The following TMEM132D variants were observed in gnomAD, a reference collection of about 807,000 sequenced individuals.
The protein encoded by TMEM132D is transmembrane protein 132D.
A neutral mutation model predicts 62.3 loss-of-function variants in TMEM132D; 21 were observed. The observed-to-expected ratio is 0.34, with a 90% confidence interval of 0.24 to 0.49. The LOEUF (loss-of-function observed/expected upper bound fraction) is 0.49, where lower values mean the gene tolerates loss of function less well. TMEM132D is among the 20% of genes least tolerant of loss of function. The probability of loss-of-function intolerance (pLI) is 0.99; values close to 1 mark genes in which losing one functional copy is unlikely to be tolerated. For synonymous variants in TMEM132D, 621 were observed against 575.6 expected, an observed-to-expected ratio of 1.08 and a Z score of -1.13; for missense variants, 1,346 against 1,402.8, an observed-to-expected ratio of 0.96 and a Z score of 0.65.
intron 5 of TMEM132D, among the ~76,000 whole-genome samples, chr12:129,088,537 G>A (rs1489071944): frequency 7.5e-5 from 3 of 40,022 alleles, no homozygotes; most frequent in Non-Finnish European, 1.3e-4. Flanking sequence ...CTCTATGACC[G>A]GGTGTCCTCC....
At chr12:129,497,886 C>G (rs112750558) in intron 3 of TMEM132D, among the ~76,000 whole-genome samples, 2,169 of 151,602 alleles carry the variant, frequency 0.014, 55 homozygotes, top group African/African-American at 0.049. Context: ...GTCTTGGACT[C>G]TTGGGCTCAA....
chr12:129,420,306 G>GGTTTTTTTTTTTTTTTTTTTTTTT (rs1457529737), intron 3 of TMEM132D, among the ~76,000 whole-genome samples: 2 of 112,300 alleles, frequency 1.8e-5, no homozygotes, highest in African/African-American at 4.0e-5. Context: ...CACGTTCTCT[G>GGTTTTTTTTTTTTTTTTTTTTTTT]TTTTTTTTTT....
At chr12:129,795,889 TTTTC>T (rs1415220971) in intron 1 of TMEM132D, among the ~76,000 whole-genome samples, 10 of 152,202 alleles carry the variant, frequency 6.6e-5, no homozygotes, top group African/African-American at 2.4e-4. Flanking sequence ...TGAATGAGAC[TTTTC>T]TTTATGATTT....
chr12:129,599,320 T>C (rs1454413329), intron 2 of TMEM132D, among the ~76,000 whole-genome samples: 1 of 152,210 alleles, frequency 6.6e-6, no homozygotes, highest in Non-Finnish European at 1.5e-5. Context: ...AGTGAATTAT[T>C]AGCAATCCTT....
intron 1 of TMEM132D, among the ~76,000 whole-genome samples, chr12:129,716,788 T>A (rs919122286): frequency 3.9e-5 from 6 of 152,156 alleles, no homozygotes; most frequent in African/African-American, 1.4e-4. Flanking sequence ...CCTACAAAGC[T>A]ATGAGATAAA....
At chr12:129,333,118 A>C (rs1869163322) in intron 4 of TMEM132D, among the ~76,000 whole-genome samples, 1 of 152,228 alleles carries the variant, frequency 6.6e-6, no homozygotes, top group African/African-American at 2.4e-5. Flanking sequence ...CTTAATAGGA[A>C]ATAAACATGT....
intron 3 of TMEM132D, among the ~76,000 whole-genome samples, chr12:129,452,635 T>TA (rs1424132443): frequency 6.6e-6 from 1 of 152,104 alleles, no homozygotes; most frequent in Non-Finnish European, 1.5e-5. Flanking sequence ...GTTCTTTTTC[T>TA]AAAACCTTTG....
At chr12:129,607,004 ATGAAGAAAC>A (rs1290505681) in intron 2 of TMEM132D, among the ~76,000 whole-genome samples, 1 of 151,744 alleles carries the variant, frequency 6.6e-6, no homozygotes, top group East Asian at 1.9e-4. Flanking sequence ...TATCTTGGAA[ATGAAGAAAC>A]TGTGTTCTCA....
At chr12:129,626,253 T>A (rs1879210331) in intron 2 of TMEM132D, among the ~76,000 whole-genome samples, 1 of 152,176 alleles carries the variant, frequency 6.6e-6, no homozygotes, top group African/African-American at 2.4e-5. Context: ...ACTTATTTAA[T>A]GCTAACTTGT....
At chr12:129,749,348 G>A (rs934516743) in intron 1 of TMEM132D, among the ~76,000 whole-genome samples, 1 of 152,186 alleles carries the variant, frequency 6.6e-6, no homozygotes, top group African/African-American at 2.4e-5. Context: ...GTGCACAGAG[G>A]CAACCTTCAG....
At chr12:129,149,110 A>G (rs1482879907) in intron 5 of TMEM132D, among the ~76,000 whole-genome samples, 1 of 152,064 alleles carries the variant, frequency 6.6e-6, no homozygotes, top group African/African-American at 2.4e-5. Flanking sequence ...CATCATTCTC[A>G]GCAAACTAAT....
chr12:129,161,218 G>A (rs1359411749), intron 5 of TMEM132D, among the ~76,000 whole-genome samples: 1 of 152,182 alleles, frequency 6.6e-6, no homozygotes, highest in Non-Finnish European at 1.5e-5. Flanking sequence ...AGTCCAAGAG[G>A]AAAGACTGTG....
intron 1 of TMEM132D, among the ~76,000 whole-genome samples, chr12:129,871,894 C>T (rs1325500723): frequency 6.6e-6 from 1 of 152,190 alleles, no homozygotes; most frequent in East Asian, 1.9e-4. Flanking sequence ...TGTGATCTTT[C>T]CATAGGCAGC....
At chr12:129,177,619 A>G (rs1392236115) in intron 5 of TMEM132D, among the ~76,000 whole-genome samples, 1 of 152,142 alleles carries the variant, frequency 6.6e-6, no homozygotes, top group Non-Finnish European at 1.5e-5. Context: ...TTAGCCAGGC[A>G]TGGTGGTGTG....
At chr12:129,363,534 G>A (rs999115809) in intron 3 of TMEM132D, among the ~76,000 whole-genome samples, 1 of 152,154 alleles carries the variant, frequency 6.6e-6, no homozygotes, top group African/African-American at 2.4e-5. Context: ...TGAAAGTGCT[G>A]AGAGGCTCAG....
At chr12:129,298,279 T>C (rs1881625864) in intron 4 of TMEM132D, among the ~76,000 whole-genome samples, 1 of 152,216 alleles carries the variant, frequency 6.6e-6, no homozygotes, top group Admixed American at 6.5e-5. Flanking sequence ...AAAGTAAACC[T>C]ACAGCTTGCA....
At chr12:129,305,171 A>G (rs751966287) in intron 4 of TMEM132D, among the ~76,000 whole-genome samples, 5 of 152,252 alleles carry the variant, frequency 3.3e-5, no homozygotes, top group Admixed American at 1.3e-4. Context: ...GCACAATGCC[A>G]GTTTACATTA....
chr12:129,674,192 C>T (rs1880572497), intron 2 of TMEM132D, among the ~76,000 whole-genome samples: 1 of 152,212 alleles, frequency 6.6e-6, no homozygotes, highest in Non-Finnish European at 1.5e-5. Context: ...ATTCCGGAGG[C>T]ATCAAAGATT....
chr12:129,801,263 G>A (rs567914091), intron 1 of TMEM132D, among the ~76,000 whole-genome samples: 3 of 152,312 alleles, frequency 2.0e-5, no homozygotes, highest in East Asian at 1.9e-4. Flanking sequence ...ACCTCTGGGG[G>A]CAGGGCACAG....
Sources: allele counts gnomAD v4.1 joint callset (sites outside exome capture counted in the v4.1 genomes callset), GRCh38; gene constraint gnomAD v4.1.1; transcripts MANE v1.5; gene names NCBI Gene and HGNC (gene_info 2026-07-23, HGNC 2026-07-21).